TNKS2: variants seen among roughly 807,000 people sequenced by gnomAD.
TNKS2 encodes tankyrase 2.
In TNKS2, 72 loss-of-function variants were observed where a neutral mutation model predicts 137.6. That is an observed-to-expected ratio of 0.52 (90% CI 0.43 to 0.64). The LOEUF (loss-of-function observed/expected upper bound fraction) is 0.64, where lower values mean the gene tolerates loss of function less well. Among genes scored for constraint, TNKS2 ranks in the 30% least tolerant of loss-of-function variants. The pLI is 0.00. For synonymous variants in TNKS2, 516 were observed against 512.1 expected, an observed-to-expected ratio of 1.01 and a Z score of -0.10; for missense variants, 1,049 against 1,410.2, an observed-to-expected ratio of 0.74 and a Z score of 4.10.
chr10:91,807,743 C>T (rs369902874), intron 1 of TNKS2, among the ~76,000 whole-genome samples: 11 of 152,196 alleles, frequency 7.2e-5, no homozygotes, highest in East Asian at 3.9e-4. Flanking sequence ...GCCTGTAATC[C>T]CAGCACTTCG....
chr10:91,862,302 C>T, intron 26 of TNKS2, 147 bp downstream of exon 26: 2 of 607,498 alleles, frequency 3.3e-6, no homozygotes, highest in Non-Finnish European at 5.1e-6. Context: ...TGGAAAGTTA[C>T]AAAAATAGTA....
At position 91,858,939 on chromosome 10, in the gene TNKS2, G is replaced by T. The variant is rs181893835; in HGVS notation, c.3095-523G>T. On this transcript the variant is annotated intron_variant, in intron 24 of 26. Coordinates refer to ENST00000371627, the MANE Select transcript of TNKS2 (RefSeq NM_025235.4). The stretch of plus-strand genomic sequence containing the variant: ...CAGGAGAATTGCTTGAACCCGGGAG[G>T]CAGAGGTTGCAGTGAGCCAAGATCA... Among the ~76,000 whole-genome samples, 680 of 152,152 alleles carry T rather than the reference G, an allele frequency of 4.5e-3. 8 individuals carry two copies. Among genetic ancestry groups the T allele is most frequent in the African/African-American group, 0.016 (645 of 41,496 alleles).
intron 1 of TNKS2, 51 bp downstream of exon 1, chr10:91,798,940 C>T (rs906470471): frequency 4.6e-6 from 6 of 1,316,994 alleles, no homozygotes; most frequent in African/African-American, 1.5e-5. Context: ...ACCTGCGCAG[C>T]CGGGGCCCAC....
intron 19 of TNKS2, among the ~76,000 whole-genome samples, 185 bp downstream of exon 19, chr10:91,848,820 G>A (rs1313644643): frequency 6.6e-6 from 1 of 152,150 alleles, no homozygotes; most frequent in East Asian, 1.9e-4. Context: ...GAAGAGTCTT[G>A]TGCTACTAAC....
At chr10:91,808,683 A>T (rs191504923) in intron 1 of TNKS2, among the ~76,000 whole-genome samples, 2 of 152,290 alleles carry the variant, frequency 1.3e-5, no homozygotes, top group African/African-American at 4.8e-5. Flanking sequence ...GAAATATGTT[A>T]AGCAAACATT....
intron 1 of TNKS2, among the ~76,000 whole-genome samples, chr10:91,812,038 G>A (rs796502314): frequency 2.0e-4 from 29 of 146,822 alleles, no homozygotes; most frequent in African/African-American, 6.6e-4. Flanking sequence ...CAGCCTGGGC[G>A]ACAGAGCGAC....
At chr10:91,811,856 G>A (rs923218370) in intron 1 of TNKS2, among the ~76,000 whole-genome samples, 3 of 152,086 alleles carry the variant, frequency 2.0e-5, no homozygotes, top group South Asian at 2.1e-4. Flanking sequence ...TCAGGAGATC[G>A]AGACCATCCT....
rs1279832374 is a variant in TNKS2 at position 91,834,011 on chromosome 10, G to A, written c.1434G>A (p.Gln478=). 1.3e-6 allele frequency: 2 copies of A among 1,599,142 alleles called. No individual in the cohort carries two copies. The highest frequency in any genetic ancestry group is 1.8e-5 in the Admixed American group (1 of 56,116). The change falls in exon 12 of 27, where the codon CAG becomes CAA. Residue 478 remains glutamine (Q), a synonymous_variant. Coordinates refer to ENST00000371627, the MANE Select transcript of TNKS2 (RefSeq NM_025235.4). ...TACAGATGGGAAATGAAAATGTACA[G>A]CAACTCCTCCAAGGTATTACATGCT... ...TALQMGNENV[Q]QLLQEGISLG...
intron 1 of TNKS2, among the ~76,000 whole-genome samples, chr10:91,806,042 CTTTTTT>C (rs34004456): frequency 1.5e-5 from 2 of 130,086 alleles, no homozygotes; most frequent in Non-Finnish European, 3.3e-5. Context: ...CATTCTTTCT[CTTTTTT>C]TTTTTTTTTT....
At chr10:91,861,867 G>A in intron 25 of TNKS2, 132 bp from the exon 26 acceptor site, 1 of 733,360 alleles carries the variant, frequency 1.4e-6, no homozygotes, top group Non-Finnish European at 2.1e-6. Context: ...GTTCTTTTAG[G>A]GGTGAAATGA....
chr10:91,839,210 TA>T (rs1286947833), intron 13 of TNKS2, among the ~76,000 whole-genome samples: 4 of 152,190 alleles, frequency 2.6e-5, no homozygotes, highest in Non-Finnish European at 5.9e-5. Flanking sequence ...TCTGATTTAT[TA>T]TCTATGTTGC....
chr10:91,799,206 C>CT (rs1198337562), intron 1 of TNKS2, among the ~76,000 whole-genome samples: 36 of 152,222 alleles, frequency 2.4e-4, no homozygotes, highest in African/African-American at 8.2e-4. Flanking sequence ...TAGAAGGCCT[C>CT]TACACACAAG....
intron 16 of TNKS2, among the ~76,000 whole-genome samples, chr10:91,844,338 A>C (rs1321273543): frequency 6.6e-6 from 1 of 152,186 alleles, no homozygotes; most frequent in African/African-American, 2.4e-5. Flanking sequence ...AAAAGGATAA[A>C]AACTATAATA....
chr10:91,814,053 G>T (rs945464129), intron 2 of TNKS2, among the ~76,000 whole-genome samples: 14 of 152,024 alleles, frequency 9.2e-5, no homozygotes, highest in Non-Finnish European at 7.4e-5. Flanking sequence ...AAAGTTAACT[G>T]TAAAACAGCC....
rs61756247 is a variant in TNKS2, at chr10:91,855,057, C to G, written c.2844C>G (p.Thr948=). 1 of 1,610,404 alleles carries G rather than the reference C, an allele frequency of 6.2e-7. No individual in the cohort carries two copies. Among genetic ancestry groups the G allele is most frequent in the Non-Finnish European group, 8.5e-7 (1 of 1,177,384 alleles). The part of the protein sequence containing the change: ...QGLNPYLTLN[T]SGSGTILIDL... ...TTAACCCATATTTAACTTTGAACAC[C>G]TCTGGTAGTGGAACAATTCTTATAG... is the stretch of plus-strand genomic sequence containing the variant. Residue 948 remains threonine (T), a synonymous_variant, in exon 22 of 27, where the codon ACC becomes ACG. Transcript: ENST00000371627.
At chr10:91,800,543 C>G (rs1844131724) in intron 1 of TNKS2, among the ~76,000 whole-genome samples, 1 of 152,162 alleles carries the variant, frequency 6.6e-6, no homozygotes, top group South Asian at 2.1e-4. Context: ...ACCTTCAGTT[C>G]TGTCCCAACG....
Position 91,864,381 on chromosome 10 carries a change from A to G in TNKS2, c.*1382A>G, listed in dbSNP as rs1488662197. 6.6e-6 allele frequency: 1 copy of G among 152,574 alleles called. No homozygotes were observed. Among genetic ancestry groups the G allele is most frequent in the East Asian group, 1.9e-4 (1 of 5,196 alleles). The allele number at this position is 152,574 out of a possible 1,614,324, so 9.5% of individuals were successfully genotyped here. ...TAAGCATCTTGTTACAGAGACATAC[A>G]TCCATTATGGCTTGGCAATCTCTTT... is the stretch of plus-strand genomic sequence containing the variant. On this transcript the variant is annotated 3_prime_UTR_variant, in exon 27 of 27. Transcript: ENST00000371627.
chr10:91,854,357 T>A (rs1842641342), intron 21 of TNKS2, among the ~76,000 whole-genome samples: 1 of 152,194 alleles, frequency 6.6e-6, no homozygotes, highest in South Asian at 2.1e-4. Flanking sequence ...TTATAACTTG[T>A]CAGGTCAAAA....
chr10:91,831,037 A>G, intron 10 of TNKS2, 23 bp downstream of exon 10: 1 of 1,608,172 alleles, frequency 6.2e-7, no homozygotes, highest in Non-Finnish European at 8.5e-7. Flanking sequence ...TTAATGATTA[A>G]ATATCATTGA....
Sources: gnomAD v4.1 joint callset for allele counts (sites outside exome capture counted in the v4.1 genomes callset) on GRCh38, gnomAD v4.1.1 for gene constraint, MANE v1.5 for transcripts, NCBI Gene and HGNC (gene_info 2026-07-23, HGNC 2026-07-21) for gene names.